The following LUC7L2 variants were observed in gnomAD, a reference collection of about 807,000 sequenced individuals.
LUC7L2 encodes the protein putative RNA-binding protein Luc7-like 2.
Under a neutral mutation model 52.8 loss-of-function variants are expected in LUC7L2, and 25 were observed. The observed-to-expected ratio is 0.47, with a 90% CI of 0.34 to 0.66. The LOEUF is 0.66. Ranked by LOEUF, LUC7L2 falls within the 30% of genes least tolerant of loss-of-function variation. The pLI is 0.01. For missense variants in LUC7L2, 328 were observed against 497.8 expected, an observed-to-expected ratio of 0.66 and a Z score of 3.25; for synonymous variants, 144 against 160.9, an observed-to-expected ratio of 0.89 and a Z score of 0.80.
intron 3 of LUC7L2, among the ~76,000 whole-genome samples, chr7:139,401,012 G>A (rs1029907818): frequency 5.9e-5 from 9 of 152,132 alleles, no homozygotes; most frequent in African/African-American, 2.4e-5. Flanking sequence ...TTATATTTCT[G>A]TACAGTAAGA....
chr7:139,357,170 C>T (rs1416839434), upstream of LUC7L2, among the ~76,000 whole-genome samples: 1 of 151,928 alleles, frequency 6.6e-6, no homozygotes, highest in African/African-American at 2.4e-5. Flanking sequence ...GAAACTTCCA[C>T]ACTACTAGAG....
intron 3 of LUC7L2, among the ~76,000 whole-genome samples, chr7:139,398,988 G>C (rs1794779402): frequency 6.6e-6 from 1 of 152,024 alleles, no homozygotes; most frequent in Non-Finnish European, 1.5e-5. Flanking sequence ...GCAAATGTAA[G>C]CAACTAATTT....
intron 2 of LUC7L2, among the ~76,000 whole-genome samples, chr7:139,391,879 G>A (rs1009132762): frequency 1.3e-5 from 2 of 152,074 alleles, no homozygotes; most frequent in African/African-American, 4.8e-5. Context: ...GAGCCACCAC[G>A]CCCGGCCTGG....
In LUC7L2 at chr7:139,381,878, A is replaced by ATTT. The variant is rs57302073; in HGVS notation, c.156+5745_156+5747dup. Among the ~76,000 whole-genome samples, 76 of 105,158 alleles carry ATTT rather than the reference A, an allele frequency of 7.2e-4. 1 individual carries two copies. The highest frequency in any genetic ancestry group is 1.5e-3 in the Admixed American group (12 of 7,946). 69.0% of individuals were successfully genotyped at this position (105,158 alleles called of 152,430 possible). A position where few individuals can be genotyped will look rare whatever the true frequency, so the allele number is the denominator to read the frequency against. On this transcript the variant is annotated intron_variant, in intron 2 of 9. Coordinates refer to ENST00000354926, the MANE Select transcript of LUC7L2 (RefSeq NM_016019.5). ...GGCATGAGCCACTGCGCCTGGCCTA[A>ATTT]TTTTTTTTTTTTTTTTTTTTTTTTT... is the stretch of plus-strand genomic sequence containing the variant.
At chr7:139,398,841 T>G (rs926595754) in intron 3 of LUC7L2, 144 bp downstream of exon 3, 3 of 611,818 alleles carry the variant, frequency 4.9e-6, no homozygotes, top group Non-Finnish European at 7.7e-6. Context: ...GATCATGTAC[T>G]TTCTTGACAA....
intron 1 of LUC7L2, among the ~76,000 whole-genome samples, chr7:139,370,605 C>T (rs1405496272): frequency 6.6e-6 from 1 of 152,150 alleles, no homozygotes; most frequent in Admixed American, 6.5e-5. Context: ...CAGACCTGTG[C>T]CACTACACCC....
chr7:139,371,538 G>GT, intron 1 of LUC7L2: 1 of 1,296,774 alleles, frequency 7.7e-7, no homozygotes, highest in Non-Finnish European at 1.1e-6. Flanking sequence ...GTTTGTATGG[G>GT]AGGGAGAGGG....
intron 2 of LUC7L2, among the ~76,000 whole-genome samples, chr7:139,389,406 C>T (rs187819752): frequency 5.8e-4 from 89 of 152,224 alleles, no homozygotes; most frequent in African/African-American, 1.8e-3. Context: ...TTTCCTTTAT[C>T]TTCTAGTAGA....
At chr7:139,365,287 T>C (rs1323156458) in intron 1 of LUC7L2, among the ~76,000 whole-genome samples, 1 of 152,214 alleles carries the variant, frequency 6.6e-6, no homozygotes, top group Non-Finnish European at 1.5e-5. Flanking sequence ...TTAGTTCTCC[T>C]CAAGTAAGCA....
At chr7:139,345,680 T>G (rs1261381082) in intron 1 of LUC7L2, 4 of 1,614,174 alleles carry the variant, frequency 2.5e-6, no homozygotes, top group Non-Finnish European at 2.5e-6. Flanking sequence ...CCCATCAGCC[T>G]GGAGGGAAGG....
intron 2 of LUC7L2, among the ~76,000 whole-genome samples, chr7:139,380,397 A>G (rs1476992487): frequency 6.6e-6 from 1 of 152,060 alleles, no homozygotes; most frequent in East Asian, 1.9e-4. Context: ...CAGGAGTTCG[A>G]GACCAGCCTG....
rs146565112 is a variant in LUC7L2 at position 139,352,625 on chromosome 7, T to C, written c.-26+12108T>C. ...GTTTAGGTTTGGCTCTTGTCATTTC[T>C]CCTCTCCACAAACTTCAGATATTAA... is the stretch of plus-strand genomic sequence containing the variant. On this transcript the variant is annotated intron_variant, in intron 1 of 10. Coordinates refer to the LUC7L2 transcript ENST00000541170. 1.7e-3 allele frequency among the ~76,000 whole-genome samples: 263 copies of C among 152,354 alleles called. 4 individuals are homozygous for C. The highest frequency in any genetic ancestry group is 5.9e-3 in the African/African-American group (244 of 41,570).
At chr7:139,405,183 A>G (rs1795066668) in intron 4 of LUC7L2, among the ~76,000 whole-genome samples, 2 of 152,192 alleles carry the variant, frequency 1.3e-5, no homozygotes, top group African/African-American at 4.8e-5. Context: ...CTTGAGTTGT[A>G]TCTTGTTGGA....
chr7:139,402,901 C>T (rs1206244041), intron 4 of LUC7L2, among the ~76,000 whole-genome samples: 1 of 152,192 alleles, frequency 6.6e-6, no homozygotes, highest in Admixed American at 6.5e-5. Flanking sequence ...ACAAGACTCC[C>T]TCATGTTACC....
intron 1 of LUC7L2, chr7:139,345,898 T>C (rs537415722): frequency 3.4e-6 from 2 of 582,632 alleles, no homozygotes; most frequent in Admixed American, 4.0e-5. Flanking sequence ...TAGACTGATG[T>C]TGTTTTTCTA....
chr7:139,371,445 G>T (rs1188161378), intron 1 of LUC7L2: 11 of 1,538,248 alleles, frequency 7.2e-6, no homozygotes, highest in Non-Finnish European at 8.8e-6. Context: ...AAAAATACAG[G>T]GAGCATCGGA....
chr7:139,341,466 C>T, intron 1 of LUC7L2: 2 of 1,613,756 alleles, frequency 1.2e-6, no homozygotes, highest in Non-Finnish European at 1.7e-6. Context: ...CACCGGCCGA[C>T]CCTATCGCGA....
intron 2 of LUC7L2, among the ~76,000 whole-genome samples, chr7:139,383,112 A>G (rs1351650246): frequency 6.6e-6 from 1 of 151,318 alleles, no homozygotes; most frequent in Non-Finnish European, 1.5e-5. Context: ...TTGTATTTTT[A>G]TTTTATTTAT....
chr7:139,374,505 G>C (rs777658960), intron 1 of LUC7L2: 58 of 1,549,798 alleles, frequency 3.7e-5, no homozygotes, highest in South Asian at 4.8e-5. Context: ...ATGTGTTAAT[G>C]AATGTGGAAC....
Sources: gnomAD v4.1 joint callset for allele counts (sites outside exome capture counted in the v4.1 genomes callset) on GRCh38, gnomAD v4.1.1 for gene constraint, MANE v1.5 for transcripts, NCBI Gene and HGNC (gene_info 2026-07-23, HGNC 2026-07-21) for gene names.